Variants in EGF observed in about 807,000 individuals in gnomAD.
EGF encodes epidermal growth factor.
EGF carries 95 observed loss-of-function variants against 143.8 expected under a neutral mutation model. The ratio of observed to expected loss-of-function variants is 0.66; its 90% CI spans 0.56 to 0.78. The LOEUF (loss-of-function observed/expected upper bound fraction) is 0.78. EGF is among the 30% of genes least tolerant of loss of function. EGF has a pLI of 0.00. For synonymous variants in EGF, 510 were observed against 510.5 expected (o/e 1.00, Z 0.01); for missense variants, 1,320 against 1,470.9 (o/e 0.90, Z 1.68).
At chr4:110,004,457 G>C in intron 21 of EGF, 48 bp from the exon 22 acceptor site, 1 of 1,518,614 alleles carries the variant, frequency 6.6e-7, no homozygotes, top group Non-Finnish European at 9.1e-7. Flanking sequence ...AGTGGGCTGA[G>C]TATTTTGTTT....
At chr4:109,916,625 T>G (rs147474311) in intron 1 of EGF, among the ~76,000 whole-genome samples, 90 of 152,280 alleles carry the variant, frequency 5.9e-4, no homozygotes, top group African/African-American at 2.1e-3. Flanking sequence ...GGCCTTATTT[T>G]TTTTTAATGT....
At position 110,011,379 on chromosome 4, in the gene EGF, A is replaced by G. The variant is rs541207219; in HGVS notation, c.3548A>G (p.His1183Arg). The G allele has an allele frequency of 1.2e-6, 2 of 1,614,160 alleles. No homozygotes were observed. Among genetic ancestry groups the G allele is most frequent in the South Asian group, 1.1e-5 (1 of 91,082 alleles). Residue 1183 changes from histidine to arginine, a missense_variant, in exon 24 of 24, where the codon CAT becomes CGT. By Grantham distance (29) the His-to-Arg change is conservative. Around this residue, in one of 5 missense-constraint regions of EGF, gnomAD observed 1,186 missense variants for 1,313.7 expected, o/e 0.90. Coordinates refer to ENST00000265171, the MANE Select transcript of EGF (RefSeq NM_001963.6). ...QTLEGGVEKP[H>R]SLLSANPLWQ... The stretch of plus-strand genomic sequence containing the variant: ...CTTGAAGGGGGTGTCGAGAAGCCCC[A>G]TTCTCTCCTATCAGCTAACCCATTA...
At chr4:109,974,140 T>C (rs937909992) in intron 11 of EGF, among the ~76,000 whole-genome samples, 1 of 152,196 alleles carries the variant, frequency 6.6e-6, no homozygotes, top group Non-Finnish European at 1.5e-5. Context: ...ATAGATTGTA[T>C]CCAAATACTG....
chr4:109,972,682 T>G (rs557595132), intron 11 of EGF, among the ~76,000 whole-genome samples: 1 of 152,256 alleles, frequency 6.6e-6, no homozygotes, highest in East Asian at 1.9e-4. Context: ...GTAGAAATGG[T>G]TTCAAATTCT....
chr4:109,940,898 AG>A (rs757093133), intron 1 of EGF, 47 bp from the exon 2 acceptor site: 4 of 1,566,150 alleles, frequency 2.6e-6, no homozygotes, highest in Non-Finnish European at 3.5e-6. Context: ...TGTTTAAATG[AG>A]ATAAAATATT....
intron 1 of EGF, among the ~76,000 whole-genome samples, chr4:109,922,532 C>T (rs1008373148): frequency 6.6e-6 from 1 of 151,664 alleles, no homozygotes; most frequent in Non-Finnish European, 1.5e-5. Context: ...CCAAGAGAGG[C>T]AGTGCCATTT....
At chr4:109,946,976 G>A (rs928870679) in intron 5 of EGF, among the ~76,000 whole-genome samples, 7 of 151,990 alleles carry the variant, frequency 4.6e-5, no homozygotes, top group African/African-American at 9.7e-5. Flanking sequence ...AAAATTAGCC[G>A]GGCATGGTGG....
chr4:109,920,840 A>G (rs1737651685), intron 1 of EGF, among the ~76,000 whole-genome samples: 1 of 151,666 alleles, frequency 6.6e-6, no homozygotes, highest in Non-Finnish European at 1.5e-5. Context: ...GTTCACCATG[A>G]AGGAAGTATT....
At chr4:109,918,651 C>T (rs1737139840) in intron 1 of EGF, among the ~76,000 whole-genome samples, 1 of 152,102 alleles carries the variant, frequency 6.6e-6, no homozygotes, top group African/African-American at 2.4e-5. Context: ...CTTTCCCATA[C>T]TTCACCACCT....
At chr4:109,944,193 C>T in intron 4 of EGF, 124 bp downstream of exon 4, 1 of 1,158,920 alleles carries the variant, frequency 8.6e-7, no homozygotes, top group Non-Finnish European at 1.2e-6. Context: ...ATCCAAAAGA[C>T]TTGAGTTTGG....
At chr4:109,994,024 G>C (rs1446206702) in intron 19 of EGF, among the ~76,000 whole-genome samples, 4 of 142,838 alleles carry the variant, frequency 2.8e-5, no homozygotes, top group Non-Finnish European at 1.5e-5. Flanking sequence ...GTGCTTACTT[G>C]GTCTCTGTTT....
intron 1 of EGF, among the ~76,000 whole-genome samples, chr4:109,937,824 A>G (rs35368137): frequency 0.12 from 18,884 of 152,168 alleles, 1,677 homozygotes; most frequent in African/African-American, 0.24. Context: ...TTTCTTTAAG[A>G]ATGTTGAATA....
chr4:109,959,124 A>T, intron 5 of EGF, 188 bp from the exon 6 acceptor site: 1 of 768,484 alleles, frequency 1.3e-6, no homozygotes, highest in Non-Finnish European at 2.0e-6. Context: ...TTGGAGAAGT[A>T]ATACAATTGG....
intron 15 of EGF, among the ~76,000 whole-genome samples, chr4:109,981,998 A>G (rs1291293229): frequency 1.3e-5 from 2 of 149,794 alleles, no homozygotes; most frequent in South Asian, 2.1e-4. Flanking sequence ...TGGCATGTTC[A>G]TGGCTCACTG....
chr4:109,931,984 T>G (rs1035148470), intron 1 of EGF, among the ~76,000 whole-genome samples: 2 of 152,226 alleles, frequency 1.3e-5, no homozygotes, highest in Non-Finnish European at 2.9e-5. Flanking sequence ...TTGTGCTTTA[T>G]GAATTTACAA....
In EGF at chr4:110,011,699, T is replaced by C. The variant is rs1471555343; in HGVS notation, c.*244T>C. 3.7e-5 allele frequency: 21 copies of C among 570,588 alleles called. No homozygotes were observed. The highest frequency in any genetic ancestry group is 4.9e-5 in the Non-Finnish European group (16 of 327,270). The allele number at this position is 570,588 out of a possible 1,614,324, so 35.3% of individuals were successfully genotyped here. A position where few individuals can be genotyped will look rare whatever the true frequency, so the allele number is the denominator to read the frequency against. ...CTAGGTAACTTATTAGAAACCCAAA[T>C]TGGGACAACAGTGCTTTGTAAATTG... On this transcript the variant is annotated 3_prime_UTR_variant, in exon 24 of 24. Transcript: ENST00000265171.
chr4:110,010,894 A>T (rs1391883938), intron 23 of EGF, among the ~76,000 whole-genome samples: 1 of 152,142 alleles, frequency 6.6e-6, no homozygotes, highest in African/African-American at 2.4e-5. Flanking sequence ...CCCTGTCTCT[A>T]TAAAAAATAC....
At chr4:109,944,883 A>G (rs1373997066) in intron 4 of EGF, among the ~76,000 whole-genome samples, 190 bp from the exon 5 acceptor site, 1 of 152,248 alleles carries the variant, frequency 6.6e-6, no homozygotes, top group Non-Finnish European at 1.5e-5. Context: ...TAGAAATTAT[A>G]TCTTATTAGC....
chr4:109,936,341 TTTATAGTA>T, intron 1 of EGF, among the ~76,000 whole-genome samples: 1 of 152,292 alleles, frequency 6.6e-6, no homozygotes, highest in Admixed American at 6.5e-5. Flanking sequence ...CATAGAGGTG[TTTATAGTA>T]TTCTCTAACG....
Sources: gnomAD v4.1 joint callset for allele counts (sites outside exome capture counted in the v4.1 genomes callset) on GRCh38, gnomAD v4.1.1 for gene constraint, gnomAD v4.1.1 regional missense constraint, MANE v1.5 for transcripts, NCBI Gene and HGNC (gene_info 2026-07-23, HGNC 2026-07-21) for gene names.